Variants in PTPRM observed in about 807,000 individuals in gnomAD.
PTPRM encodes the protein receptor-type tyrosine-protein phosphatase mu.
A neutral mutation model predicts 186.7 loss-of-function variants in PTPRM; 47 were observed. The observed-to-expected ratio is 0.25, with a 90% CI of 0.20 to 0.32. The LOEUF is 0.32. PTPRM is among the 10% of genes least tolerant of loss of function. PTPRM has a pLI of 1.00. For missense variants in PTPRM, 1,494 were observed against 1,865.0 expected (o/e 0.80, Z 3.66); for synonymous variants, 668 against 674.9 (o/e 0.99, Z 0.16).
At chr18:7,930,722 C>T (rs1006927908) in intron 5 of PTPRM, among the ~76,000 whole-genome samples, 1 of 152,012 alleles carries the variant, frequency 6.6e-6, no homozygotes, top group African/African-American at 2.4e-5. Context: ...GAAAATAATG[C>T]TTATATGTAT....
At chr18:8,199,786 CTA>C (rs1165027192) in intron 14 of PTPRM, among the ~76,000 whole-genome samples, 1 of 152,136 alleles carries the variant, frequency 6.6e-6, no homozygotes, top group Non-Finnish European at 1.5e-5. Context: ...TCAAATGCCT[CTA>C]TAGTCCAAAG....
At chr18:7,926,506 G>T in intron 4 of PTPRM, 62 bp from the exon 5 acceptor site, 3 of 1,298,896 alleles carry the variant, frequency 2.3e-6, no homozygotes, top group Non-Finnish European at 3.2e-6. Context: ...ATAGATTGAA[G>T]AAGACATATA....
At chr18:8,375,814 A>T (rs972106204) in intron 24 of PTPRM, among the ~76,000 whole-genome samples, 1 of 152,232 alleles carries the variant, frequency 6.6e-6, no homozygotes, top group Admixed American at 6.5e-5. Context: ...CCTAAAAATT[A>T]GCATTTTCCC....
chr18:7,835,946 A>G (rs2046026310), intron 2 of PTPRM, among the ~76,000 whole-genome samples: 1 of 151,722 alleles, frequency 6.6e-6, no homozygotes, highest in Non-Finnish European at 1.5e-5. Flanking sequence ...ATGTGCCTGG[A>G]ATATCTTTTT....
intron 5 of PTPRM, among the ~76,000 whole-genome samples, chr18:7,945,683 G>A (rs894684856): frequency 6.6e-6 from 1 of 152,094 alleles, no homozygotes; most frequent in Non-Finnish European, 1.5e-5. Flanking sequence ...GCTCTGTATT[G>A]TAATTATTGC....
chr18:7,850,756 T>A (rs1013884543), intron 2 of PTPRM, among the ~76,000 whole-genome samples: 3 of 152,212 alleles, frequency 2.0e-5, no homozygotes, highest in African/African-American at 7.2e-5. Flanking sequence ...GTGAATCCAC[T>A]CTGGATGAAA....
chr18:7,745,232 C>T (rs2040961098), intron 1 of PTPRM, among the ~76,000 whole-genome samples: 1 of 152,162 alleles, frequency 6.6e-6, no homozygotes, highest in Non-Finnish European at 1.5e-5. Context: ...TTTAAGCCAA[C>T]CCTTTTGCTA....
Position 8,054,298 on chromosome 18 carries a change from A to AATATATATATATATATATATATATATAT in PTPRM, c.1133-15364_1133-15363insATATATATATATATATATATATATATAT, listed in dbSNP as rs34903203. On this transcript the variant is annotated intron_variant, in intron 7 of 32. Transcript: ENST00000580170. Reference sequence around the variant, plus strand: ...AGTAGTAATATATACTAGTAGTAGTAATATATATATATATATATATATATT... The same window carrying AATATATATATATATATATATATATATAT: ...AGTAGTAATATATACTAGTAGTAGTAATATATATATATATATATATATATATATATATATATATATATATATATATATT... Among the ~76,000 whole-genome samples, 108 of 131,592 alleles carry AATATATATATATATATATATATATATAT rather than the reference A, an allele frequency of 8.2e-4. 3 individuals are homozygous for AATATATATATATATATATATATATATAT. Among genetic ancestry groups the AATATATATATATATATATATATATATAT allele is most frequent in the African/African-American group, 3.2e-3 (97 of 30,702 alleles). The allele number at this position is 131,592 out of a possible 152,430, so 86.3% of individuals were successfully genotyped here.
intron 19 of PTPRM, among the ~76,000 whole-genome samples, chr18:8,274,017 T>G (rs555027265): frequency 6.6e-6 from 1 of 152,296 alleles, no homozygotes; most frequent in East Asian, 1.9e-4. Flanking sequence ...CTTGAAACCA[T>G]TGTCACTGTA....
intron 3 of PTPRM, among the ~76,000 whole-genome samples, chr18:7,891,339 G>T (rs1365487305): frequency 2.2e-5 from 3 of 139,316 alleles, no homozygotes; most frequent in Non-Finnish European, 1.5e-5. Flanking sequence ...CTAGCTAGTG[G>T]GATAACAGGT....
At chr18:8,233,973 A>C (rs900678434) in intron 14 of PTPRM, among the ~76,000 whole-genome samples, 1 of 152,082 alleles carries the variant, frequency 6.6e-6, no homozygotes, top group Non-Finnish European at 1.5e-5. Context: ...CTTCTGTCCT[A>C]GTGATCTGTT....
intron 1 of PTPRM, among the ~76,000 whole-genome samples, chr18:7,700,705 T>G (rs1360718943): frequency 6.6e-6 from 1 of 151,888 alleles, no homozygotes; most frequent in Non-Finnish European, 1.5e-5. Context: ...ATGGTAAAAA[T>G]TTAGGTCGGA....
At chr18:7,826,944 AT>A (rs950441946) in intron 2 of PTPRM, among the ~76,000 whole-genome samples, 29 of 151,074 alleles carry the variant, frequency 1.9e-4, no homozygotes, top group South Asian at 4.2e-4. Context: ...AATTAAAAAA[AT>A]AAATAAATAA....
chr18:8,238,523 A>G (rs568637318), intron 14 of PTPRM, among the ~76,000 whole-genome samples: 1 of 152,142 alleles, frequency 6.6e-6, no homozygotes, highest in East Asian at 1.9e-4. Flanking sequence ...TACTTTATCA[A>G]TTAGACATTA....
chr18:8,162,740 T>C (rs2093253938), intron 14 of PTPRM, among the ~76,000 whole-genome samples: 1 of 152,218 alleles, frequency 6.6e-6, no homozygotes, highest in Admixed American at 6.5e-5. Context: ...CATAGCATAT[T>C]TCCCTATGTA....
intron 19 of PTPRM, among the ~76,000 whole-genome samples, chr18:8,276,074 C>A (rs1007550723): frequency 6.7e-6 from 1 of 150,092 alleles, no homozygotes; most frequent in Non-Finnish European, 1.5e-5. Flanking sequence ...GAGCCCATTT[C>A]TGTTCTCTAC....
At chr18:8,374,585 G>C (rs2148477300) in intron 24 of PTPRM, among the ~76,000 whole-genome samples, 1 of 152,254 alleles carries the variant, frequency 6.6e-6, no homozygotes, top group East Asian at 1.9e-4. Flanking sequence ...TAGGGATAAG[G>C]AATTTGGGCT....
intron 14 of PTPRM, among the ~76,000 whole-genome samples, chr18:8,156,009 C>A (rs952748596): frequency 1.3e-5 from 2 of 152,182 alleles, no homozygotes; most frequent in Non-Finnish European, 2.9e-5. Flanking sequence ...CTAGCACATA[C>A]TTTGGCATGC....
chr18:8,132,944 A>G (rs1370649560), intron 13 of PTPRM, among the ~76,000 whole-genome samples: 1 of 152,184 alleles, frequency 6.6e-6, no homozygotes, highest in East Asian at 1.9e-4. Flanking sequence ...GAATACCACA[A>G]ATCAGGTCAT....
Sources: gnomAD v4.1 joint callset for allele counts (sites outside exome capture counted in the v4.1 genomes callset) on GRCh38, gnomAD v4.1.1 for gene constraint, MANE v1.5 for transcripts, NCBI Gene and HGNC (gene_info 2026-07-23, HGNC 2026-07-21) for gene names.